Variants in MRPL3 observed in about 807,000 individuals in gnomAD.
The protein encoded by MRPL3 is mitochondrial ribosomal protein L3, also known as large ribosomal subunit protein uL3m.
A neutral mutation model predicts 44.3 loss-of-function variants in MRPL3; 43 were observed. The ratio of observed to expected loss-of-function variants is 0.97; its 90% CI spans 0.76 to 1.25. The LOEUF is 1.25. MRPL3 is among the 50% of genes most tolerant of loss of function. The pLI is 0.00. For synonymous variants in MRPL3, 171 were observed against 152.3 expected, an observed-to-expected ratio of 1.12 and a Z score of -0.91; for missense variants, 406 against 427.6, an observed-to-expected ratio of 0.95 and a Z score of 0.45.
chr3:131,464,366 G>A (rs569734449), intron 9 of MRPL3, among the ~76,000 whole-genome samples: 52 of 152,246 alleles, frequency 3.4e-4, no homozygotes, highest in African/African-American at 1.1e-3. Flanking sequence ...GATCTGAAAC[G>A]TAAATGACAT....
At chr3:131,484,275 T>C (rs542019576) in intron 6 of MRPL3, among the ~76,000 whole-genome samples, 1 of 152,312 alleles carries the variant, frequency 6.6e-6, no homozygotes, top group African/African-American at 2.4e-5. Flanking sequence ...AGCATCTATA[T>C]CACCTGGAAA....
intron 4 of MRPL3, among the ~76,000 whole-genome samples, chr3:131,496,530 G>T (rs1934374142): frequency 6.6e-6 from 1 of 152,096 alleles, no homozygotes; most frequent in African/African-American, 2.4e-5. Context: ...ACCATTTATA[G>T]AACTATGATT....
In MRPL3 at chr3:131,472,474, C is replaced by T. The variant is rs545925057; in HGVS notation, c.630-1195G>A. Among the ~76,000 whole-genome samples, 7 of 152,234 alleles carry T rather than the reference C, an allele frequency of 4.6e-5. No individual in the cohort carries two copies. The East Asian group carries it at 1.4e-3, about 29-fold the overall frequency. ...AGTATGCAGCTTGAAACAACAAAGGCCATATATGACAAACATACTGATGTT... is the reference window on the plus strand; with the variant it reads ...AGTATGCAGCTTGAAACAACAAAGGTCATATATGACAAACATACTGATGTT... On this transcript the variant is annotated intron_variant, in intron 6 of 9. Coordinates refer to ENST00000264995, the MANE Select transcript of MRPL3 (RefSeq NM_007208.4).
rs146505460 is a variant in MRPL3, at chr3:131,472,498, T to C, written c.630-1219A>G. Among the ~76,000 whole-genome samples, 406 of 152,274 alleles carry C rather than the reference T, an allele frequency of 2.7e-3. 4 individuals are homozygous for C. Among genetic ancestry groups the C allele is most frequent in the African/African-American group, 9.2e-3 (384 of 41,554 alleles). ...GCCATATATGACAAACATACTGATG[T>C]TATGCTTTCAGCTATTCCCCTAAGA... On this transcript the variant is annotated intron_variant, in intron 6 of 9. Transcript: ENST00000264995.
chr3:131,480,502 G>A (rs1465054533), intron 6 of MRPL3, among the ~76,000 whole-genome samples: 2 of 152,166 alleles, frequency 1.3e-5, no homozygotes, highest in Non-Finnish European at 1.5e-5. Flanking sequence ...CAATAACTGG[G>A]AACATTTTTA....
intron 9 of MRPL3, 95 bp downstream of exon 9, chr3:131,467,996 T>G (rs879733979): frequency 3.1e-6 from 2 of 642,614 alleles, no homozygotes; most frequent in Non-Finnish European, 5.0e-6. Context: ...AATATCCACA[T>G]ATATAAACAA....
chr3:131,487,461 A>C, intron 6 of MRPL3: 1 of 454,626 alleles, frequency 2.2e-6, no homozygotes, highest in South Asian at 3.0e-5. Flanking sequence ...AAAAAAAACA[A>C]ATAAAAATAA....
At chr3:131,474,765 A>ATTT (rs372689423) in intron 6 of MRPL3, among the ~76,000 whole-genome samples, 74 of 137,880 alleles carry the variant, frequency 5.4e-4, no homozygotes, top group African/African-American at 1.9e-3. Context: ...AGACTTTTTA[A>ATTT]TTTTTTTTTT....
At chr3:131,486,346 C>T (rs13064751) in intron 6 of MRPL3, among the ~76,000 whole-genome samples, 90,652 of 117,180 alleles carry the variant, frequency 0.77, 34,640 homozygotes, top group African/African-American at 0.92. Context: ...CTCATTAAAC[C>T]AAAGAGCTTC....
chr3:131,484,684 G>C (rs968182185), intron 6 of MRPL3, among the ~76,000 whole-genome samples: 1 of 152,208 alleles, frequency 6.6e-6, no homozygotes, highest in African/African-American at 2.4e-5. Flanking sequence ...GCTGTATGCA[G>C]CTGGGAATAC....
intron 6 of MRPL3, among the ~76,000 whole-genome samples, chr3:131,475,982 A>C (rs1475713218): frequency 1.3e-5 from 2 of 152,220 alleles, no homozygotes; most frequent in Non-Finnish European, 2.9e-5. Context: ...TCTTGGTAGA[A>C]AGTTTACTGG....
intron 6 of MRPL3, among the ~76,000 whole-genome samples, chr3:131,476,950 T>C (rs1292833169): frequency 6.6e-6 from 1 of 152,158 alleles, no homozygotes; most frequent in Non-Finnish European, 1.5e-5. Flanking sequence ...AAAAGATGGT[T>C]TGAAGAAAAG....
Position 131,492,570 on chromosome 3 carries a change from C to A in MRPL3, c.469-2490G>T, listed in dbSNP as rs570227833. On this transcript the variant is annotated intron_variant, in intron 4 of 9. Transcript: ENST00000264995. ...CTCCTATAAGAATCTAACGCTGCCA[C>A]TGATCTGACTGACAGGAGGTAGAGC... is the stretch of plus-strand genomic sequence containing the variant. Among the ~76,000 whole-genome samples, 6 of 152,308 alleles carry A rather than the reference C, an allele frequency of 3.9e-5. 1 individual carries two copies. The highest frequency in any genetic ancestry group is 1.4e-4 in the African/African-American group (6 of 41,560).
At chr3:131,469,866 T>G in intron 7 of MRPL3, 93 bp from the exon 8 acceptor site, 1 of 769,590 alleles carries the variant, frequency 1.3e-6, no homozygotes, top group South Asian at 2.0e-5. Context: ...TATAAATTAT[T>G]AAAATGTTTT....
intron 4 of MRPL3, among the ~76,000 whole-genome samples, chr3:131,492,270 G>A (rs1460711307): frequency 2.6e-5 from 4 of 151,796 alleles, no homozygotes; most frequent in Non-Finnish European, 5.9e-5. Context: ...GGAAGCTTCC[G>A]AGAAAAATCC....
intron 8 of MRPL3, among the ~76,000 whole-genome samples, chr3:131,469,112 T>C (rs866107599): frequency 1.9e-4 from 29 of 152,262 alleles, no homozygotes; most frequent in African/African-American, 6.5e-4. Flanking sequence ...TCAACTTCTC[T>C]TTTAAATATA....
chr3:131,496,916 G>A (rs988432890), intron 4 of MRPL3, among the ~76,000 whole-genome samples: 20 of 152,158 alleles, frequency 1.3e-4, no homozygotes, highest in African/African-American at 4.3e-4. Context: ...CACTGGCCCA[G>A]GCCTGCACAC....
At chr3:131,483,685 C>T (rs1232992762) in intron 6 of MRPL3, among the ~76,000 whole-genome samples, 10 of 152,242 alleles carry the variant, frequency 6.6e-5, no homozygotes, top group African/African-American at 7.2e-5. Flanking sequence ...GTAAGTATAT[C>T]GTCAAGAAGC....
chr3:131,482,540 C>A (rs990482123), intron 6 of MRPL3, among the ~76,000 whole-genome samples: 1 of 151,554 alleles, frequency 6.6e-6, no homozygotes, highest in African/African-American at 2.4e-5. Flanking sequence ...AATTTTATTA[C>A]TAAGATAACA....
Sources: gnomAD v4.1 joint callset for allele counts (sites outside exome capture counted in the v4.1 genomes callset) on GRCh38, gnomAD v4.1.1 for gene constraint, MANE v1.5 for transcripts, NCBI Gene and HGNC (gene_info 2026-07-23, HGNC 2026-07-21) for gene names.